Variants in LDHB observed in about 807,000 individuals in gnomAD.
The protein encoded by LDHB is lactate dehydrogenase B.
In LDHB, 18 loss-of-function variants were observed where a neutral mutation model predicts 33.4. The observed-to-expected ratio is 0.54, with a 90% CI of 0.37 to 0.80. The LOEUF (loss-of-function observed/expected upper bound fraction) is 0.80, where lower values mean the gene tolerates loss of function less well. Ranked by LOEUF, LDHB falls within the 30% of genes least tolerant of loss-of-function variation. LDHB has a pLI of 0.00. For missense variants in LDHB, 345 were observed against 407.9 expected (o/e 0.85, Z 1.33); for synonymous variants, 121 against 140.6 (o/e 0.86, Z 0.98).
At chr12:21,646,535 A>T (rs868687934) in intron 3 of LDHB, among the ~76,000 whole-genome samples, 10 of 152,190 alleles carry the variant, frequency 6.6e-5, no homozygotes, top group African/African-American at 2.4e-4. Flanking sequence ...CCAATTTGTT[A>T]TTTCCTGTTA....
chr12:21,635,362 T>C lies in LDHB; in HGVS notation c.*180A>G. 1.6e-6 allele frequency: 1 copy of C among 620,850 alleles called. No homozygotes were observed. Among genetic ancestry groups the C allele is most frequent in the Non-Finnish European group, 2.9e-6 (1 of 349,656 alleles). The allele number at this position is 620,850 out of a possible 1,614,324, so 38.5% of individuals were successfully genotyped here. ...AGAAGCACACTACAATAGTTAATTT[T>C]ATTTGTTCAAGAGCTCAGATTGCAA... On this transcript the variant is annotated 3_prime_UTR_variant, in exon 8 of 8. Coordinates refer to ENST00000350669, the MANE Select transcript of LDHB (RefSeq NM_002300.8).
At chr12:21,651,836 G>C (rs1565630484) in intron 2 of LDHB, among the ~76,000 whole-genome samples, 1 of 152,172 alleles carries the variant, frequency 6.6e-6, no homozygotes, top group Non-Finnish European at 1.5e-5. Flanking sequence ...CTTTCAACAA[G>C]TCAGTCATTC....
chr12:21,644,208 T>C, intron 3 of LDHB, 100 bp from the exon 4 acceptor site: 2 of 853,484 alleles, frequency 2.3e-6, no homozygotes, highest in Non-Finnish European at 3.8e-6. Context: ...CATAAGCTTC[T>C]AGAACATATA....
Position 21,654,690 on chromosome 12 carries a change from A to C in LDHB, c.-6-13T>G. The C allele has an allele frequency of 1.2e-6, 2 of 1,605,856 alleles. No homozygotes were observed. Among genetic ancestry groups the C allele is most frequent in the Non-Finnish European group, 1.7e-6 (2 of 1,172,436 alleles). On this transcript the variant is annotated splice_polypyrimidine_tract_variant and intron_variant, in intron 1 of 7. Coordinates refer to ENST00000350669, the MANE Select transcript of LDHB (RefSeq NM_002300.8). ...TTGCCATTTTGCACTGCAAGGAAAG[A>C]ATCAAAACATTACACGTATATCTGC...
At chr12:21,640,774 A>C (rs1938351517) in intron 5 of LDHB, among the ~76,000 whole-genome samples, 1 of 152,072 alleles carries the variant, frequency 6.6e-6, no homozygotes, top group South Asian at 2.1e-4. Context: ...GGAAGGGGAA[A>C]GTTCAAAATG....
At chr12:21,646,808 A>G (rs1158874051) in intron 3 of LDHB, 91 bp downstream of exon 3, 1 of 794,208 alleles carries the variant, frequency 1.3e-6, no homozygotes, top group Non-Finnish European at 2.3e-6. Context: ...CCTACTTACA[A>G]ATAAATCTAT....
chr12:21,639,489 C>CT (rs1326151092), intron 5 of LDHB, among the ~76,000 whole-genome samples: 1 of 151,484 alleles, frequency 6.6e-6, no homozygotes, highest in Non-Finnish European at 1.5e-5. Context: ...TGTAATATCA[C>CT]TTTTTCTCAC....
intron 3 of LDHB, among the ~76,000 whole-genome samples, chr12:21,645,109 C>T (rs1938483878): frequency 6.6e-6 from 1 of 152,136 alleles, no homozygotes. Flanking sequence ...TGTGCTGTGT[C>T]AACTCAGGGT....
At chr12:21,655,508 T>C (rs909761825) in intron 1 of LDHB, among the ~76,000 whole-genome samples, 4 of 152,242 alleles carry the variant, frequency 2.6e-5, no homozygotes, top group Non-Finnish European at 5.9e-5. Flanking sequence ...GTACTGGACA[T>C]AGAATGCATA....
rs549087592 is a variant in LDHB, at chr12:21,645,810, T to A, written c.247+1089A>T. Among the ~76,000 whole-genome samples the A allele has an allele frequency of 4.0e-5, 6 of 151,702 alleles. No homozygotes were observed. In the East Asian group the frequency reaches 1.2e-3, roughly 29 times the overall value. ...CGGCGTGGGTCCTCCGTATGCTGAG[T>A]GCCGGTTCCCTCGGCCCACTTTTTC... is the stretch of plus-strand genomic sequence containing the variant. On this transcript the variant is annotated intron_variant, in intron 3 of 7. Transcript: ENST00000350669.
rs755495370 is a variant in LDHB at position 21,654,548 on chromosome 12, C to T, written c.124G>A (p.Gly42Arg). 1.2e-6 allele frequency: 2 copies of T among 1,613,924 alleles called. No individual in the cohort carries two copies. Among genetic ancestry groups the T allele is most frequent in the African/African-American group, 1.3e-5 (1 of 74,910 alleles). ...ATGGTGTTCTTGAAATGTACCTTTC[C>T]CAGAATGCTGATAGCACACGCCATA... ...VGMACAISIL[G>R]KSLADELALV... Residue 42 changes from glycine to arginine, a missense_variant, in exon 2 of 8, where the codon GGA (glycine) becomes AGA (arginine). By Grantham distance (125) the Gly-to-Arg change is moderately radical. Transcript: ENST00000350669.
Position 21,643,986 on chromosome 12 carries a change from G to A in LDHB, c.370C>T (p.Gln124Ter), listed in dbSNP as rs779889397. ...NVNVFKFIIP[Q>*]IVKYSPDCII... Reference sequence around the variant, plus strand: ...CAATCAGGACTGTACTTGACGATCTGAGGAATAATGAATTTGAAGACATTA... The same window carrying A: ...CAATCAGGACTGTACTTGACGATCTAAGGAATAATGAATTTGAAGACATTA... Residue 124 changes from glutamine to a stop codon, truncating the protein, a stop_gained, in exon 4 of 8, where the codon CAG becomes TAG. Transcript: ENST00000350669. LOFTEE classifies it high-confidence loss of function. 6.2e-7 allele frequency: 1 copy of A among 1,613,038 alleles called. No homozygotes were observed. Among genetic ancestry groups the A allele is most frequent in the Non-Finnish European group, 8.5e-7 (1 of 1,179,054 alleles).
At chr12:21,649,130 A>G (rs995622301) in intron 2 of LDHB, among the ~76,000 whole-genome samples, 1 of 152,198 alleles carries the variant, frequency 6.6e-6, no homozygotes, top group Non-Finnish European at 1.5e-5. Flanking sequence ...GGTACTGAGC[A>G]CTGGGAATAT....
At chr12:21,652,681 A>T (rs1938726550) in intron 2 of LDHB, among the ~76,000 whole-genome samples, 1 of 152,068 alleles carries the variant, frequency 6.6e-6, no homozygotes, top group African/African-American at 2.4e-5. Context: ...GAAACTAGCT[A>T]GAAAGAAATG....
At chr12:21,644,446 C>CAAAAAAAAAAAAAAAAAA (rs374761135) in intron 3 of LDHB, among the ~76,000 whole-genome samples, 1 of 108,844 alleles carries the variant, frequency 9.2e-6, no homozygotes, top group Admixed American at 1.0e-4. Flanking sequence ...AAAAAAAAAA[C>CAAAAAAAAAAAAAAAAAA]AAAAACAAAA....
chr12:21,640,461 C>G (rs991040109), intron 5 of LDHB, among the ~76,000 whole-genome samples: 1 of 151,952 alleles, frequency 6.6e-6, no homozygotes, highest in African/African-American at 2.4e-5. Flanking sequence ...ATCATACAGT[C>G]TCTTACTACT....
chr12:21,645,841 C>G (rs1938511460), intron 3 of LDHB, among the ~76,000 whole-genome samples: 1 of 152,100 alleles, frequency 6.6e-6, no homozygotes, highest in Non-Finnish European at 1.5e-5. Flanking sequence ...TTTTCTTTCT[C>G]TATACTTTGT....
Position 21,657,813 on chromosome 12 carries a change from G to C in LDHB, c.-69C>G, listed in dbSNP as rs1040006645. The C allele has an allele frequency of 6.6e-6, 1 of 152,500 alleles. No homozygotes were observed. The highest frequency in any genetic ancestry group is 1.9e-4 in the East Asian group (1 of 5,196). The allele number at this position is 152,500 out of a possible 1,614,324, so 9.4% of individuals were successfully genotyped here. On this transcript the variant is annotated 5_prime_UTR_variant, in exon 1 of 8. Transcript: ENST00000350669. ...GTGCGGAGAAGACAAAGTCAGCTGCGTGCGTCTCCTCCGGCGCCGGCTCTG... is the reference window on the plus strand; with the variant it reads ...GTGCGGAGAAGACAAAGTCAGCTGCCTGCGTCTCCTCCGGCGCCGGCTCTG...
chr12:21,643,909 CAG>C (rs1305141003), intron 4 of LDHB, 24 bp downstream of exon 4: 2 of 1,541,338 alleles, frequency 1.3e-6, no homozygotes, highest in African/African-American at 1.4e-5. Flanking sequence ...CTTAACAGAA[CAG>C]AGACTTAAAG....
Sources: allele counts gnomAD v4.1 joint callset (sites outside exome capture counted in the v4.1 genomes callset), GRCh38; gene constraint gnomAD v4.1.1; transcripts MANE v1.5; gene names NCBI Gene and HGNC (gene_info 2026-07-23, HGNC 2026-07-21).